CTNNA2: variants seen among roughly 807,000 people sequenced by gnomAD.
CTNNA2 encodes catenin alpha-2.
A neutral mutation model predicts 101.0 loss-of-function variants in CTNNA2; 42 were observed. The ratio of observed to expected loss-of-function variants is 0.42; its 90% CI spans 0.32 to 0.54. The LOEUF is 0.54. Among genes scored for constraint, CTNNA2 ranks in the 20% least tolerant of loss-of-function variants. The pLI is 0.14. For synonymous variants in CTNNA2, 450 were observed against 456.4 expected (o/e 0.99, Z 0.18); for missense variants, 871 against 1,223.1 (o/e 0.71, Z 4.29).
chr2:80,123,519 A>G (rs1490049579), intron 7 of CTNNA2, among the ~76,000 whole-genome samples: 2 of 152,140 alleles, frequency 1.3e-5, no homozygotes, highest in African/African-American at 4.8e-5. Flanking sequence ...ATGGTATTCA[A>G]CAGGAATTTT....
At chr2:80,182,359 C>A (rs1489427851) in intron 7 of CTNNA2, among the ~76,000 whole-genome samples, 2 of 152,178 alleles carry the variant, frequency 1.3e-5, no homozygotes, top group Non-Finnish European at 1.5e-5. Flanking sequence ...CCTCTGCCTG[C>A]TTTTATCCTA....
At chr2:79,731,405 C>T (rs1178116911) in intron 2 of CTNNA2, among the ~76,000 whole-genome samples, 3 of 152,000 alleles carry the variant, frequency 2.0e-5, no homozygotes, top group Non-Finnish European at 4.4e-5. Context: ...CTTTTTCTGA[C>T]TTCTGAAACT....
At chr2:79,282,467 C>G (rs1438616739) in intron 2 of CTNNA2, among the ~76,000 whole-genome samples, 1 of 151,650 alleles carries the variant, frequency 6.6e-6, no homozygotes, top group African/African-American at 2.4e-5. Context: ...TCCACGTGTT[C>G]TCATTGTTCA....
At chr2:80,297,971 A>G (rs1675898312) in intron 7 of CTNNA2, among the ~76,000 whole-genome samples, 1 of 150,914 alleles carries the variant, frequency 6.6e-6, no homozygotes, top group African/African-American at 2.4e-5. Context: ...CTGCGCGTGT[A>G]TGGGTGTGTG....
At chr2:79,992,107 C>G (rs115052825) in intron 7 of CTNNA2, among the ~76,000 whole-genome samples, 1 of 152,078 alleles carries the variant, frequency 6.6e-6, no homozygotes, top group Admixed American at 6.6e-5. Context: ...TTTCAGCAGA[C>G]TTTCCTAAGA....
At chr2:79,188,198 C>G (rs982838778) in intron 1 of CTNNA2, among the ~76,000 whole-genome samples, 11 of 152,192 alleles carry the variant, frequency 7.2e-5, no homozygotes, top group Admixed American at 3.3e-4. Context: ...AGTCATATAT[C>G]TTATGATGCA....
At chr2:79,494,804 A>G (rs141668429) in intron 4 of CTNNA2, among the ~76,000 whole-genome samples, 83 of 152,200 alleles carry the variant, frequency 5.5e-4, no homozygotes, top group African/African-American at 2.0e-3. Flanking sequence ...AAAAACCAGA[A>G]TTTTTTTCAA....
intron 7 of CTNNA2, among the ~76,000 whole-genome samples, chr2:79,910,359 T>A (rs1685701277): frequency 6.6e-6 from 1 of 152,224 alleles, no homozygotes; most frequent in Admixed American, 6.5e-5. Flanking sequence ...CAAATAGGTA[T>A]GTATGACTGG....
chr2:79,214,272 TG>T (rs1674216428), intron 2 of CTNNA2, among the ~76,000 whole-genome samples: 1 of 152,088 alleles, frequency 6.6e-6, no homozygotes, highest in African/African-American at 2.4e-5. Context: ...TCAGTCCAAG[TG>T]AAAGCGAAGA....
At chr2:79,461,130 C>A (rs555694158) in intron 4 of CTNNA2, among the ~76,000 whole-genome samples, 1 of 152,222 alleles carries the variant, frequency 6.6e-6, no homozygotes, top group Admixed American at 6.5e-5. Context: ...GCGTGAGCCA[C>A]GGTTCCTGGC....
intron 1 of CTNNA2, among the ~76,000 whole-genome samples, chr2:79,559,396 A>G (rs1018007556): frequency 2.0e-5 from 3 of 151,852 alleles, no homozygotes; most frequent in Non-Finnish European, 4.4e-5. Context: ...TTTGATTGTG[A>G]TATTTTGCCA....
At chr2:79,862,173 C>T (rs902901819) in intron 4 of CTNNA2, among the ~76,000 whole-genome samples, 22 of 152,168 alleles carry the variant, frequency 1.4e-4, no homozygotes, top group African/African-American at 5.3e-4. Context: ...CAGGCTAGAT[C>T]CTGGGATAAT....
intron 7 of CTNNA2, among the ~76,000 whole-genome samples, chr2:79,997,622 T>C (rs1237337712): frequency 6.6e-6 from 1 of 152,142 alleles, no homozygotes; most frequent in Non-Finnish European, 1.5e-5. Flanking sequence ...TCAATTTCCC[T>C]CTCTGCGTAT....
chr2:79,286,492 TTA>T lies in CTNNA2; in HGVS notation c.-405-26215_-405-26214del, dbSNP rs1166863042. On this transcript the variant is annotated intron_variant, in intron 2 of 21. Transcript: ENST00000466387. ...AGCATTTGCTTGTCTGTAAAGTATTTTATTTCTCCTTCACTTATGAAGCTTAG... is the reference window on the plus strand; with the variant it reads ...AGCATTTGCTTGTCTGTAAAGTATTTTTTCTCCTTCACTTATGAAGCTTAG... Among the ~76,000 whole-genome samples, 48 of 151,436 alleles carry T rather than the reference TTA, an allele frequency of 3.2e-4. 1 individual carries two copies. The highest frequency in any genetic ancestry group is 2.7e-3 in the Admixed American group (41 of 15,222).
intron 1 of CTNNA2, among the ~76,000 whole-genome samples, chr2:79,592,137 T>TC (rs1676898646): frequency 7.8e-6 from 1 of 127,900 alleles, no homozygotes; most frequent in Non-Finnish European, 1.7e-5. Flanking sequence ...TTTTTTTTTT[T>TC]GAGATGGAAT....
chr2:80,577,298 A>G (rs896314365), intron 13 of CTNNA2, among the ~76,000 whole-genome samples: 5 of 152,170 alleles, frequency 3.3e-5, no homozygotes, highest in Admixed American at 3.3e-4. Flanking sequence ...TAAAGGGGAT[A>G]GAGCTTCTGG....
intron 1 of CTNNA2, among the ~76,000 whole-genome samples, chr2:79,570,424 G>T (rs1045115775): frequency 6.6e-6 from 1 of 152,048 alleles, no homozygotes; most frequent in African/African-American, 2.4e-5. Flanking sequence ...TGTAAATGTG[G>T]AAAAGAATTT....
At chr2:80,185,843 T>C (rs902535284) in intron 7 of CTNNA2, among the ~76,000 whole-genome samples, 6 of 152,184 alleles carry the variant, frequency 3.9e-5, no homozygotes, top group African/African-American at 1.4e-4. Flanking sequence ...TTAGGTTCTT[T>C]GCATCTTATT....
At chr2:80,267,371 AAG>A (rs1673080762) in intron 7 of CTNNA2, among the ~76,000 whole-genome samples, 1 of 152,214 alleles carries the variant, frequency 6.6e-6, no homozygotes, top group Non-Finnish European at 1.5e-5. Context: ...AGGGTTGAGA[AAG>A]AGAGAGTTGG....
Sources: gnomAD v4.1 joint callset for allele counts (sites outside exome capture counted in the v4.1 genomes callset) on GRCh38, gnomAD v4.1.1 for gene constraint, MANE v1.5 for transcripts, NCBI Gene and HGNC (gene_info 2026-07-23, HGNC 2026-07-21) for gene names.